The following NHP2 variants were observed in gnomAD, a reference collection of about 807,000 sequenced individuals.
The protein encoded by NHP2 is H/ACA ribonucleoprotein complex subunit 2.
A neutral mutation model predicts 16.7 loss-of-function variants in NHP2; 10 were observed. The ratio of observed to expected loss-of-function variants is 0.60; its 90% CI spans 0.37 to 1.01. The LOEUF (loss-of-function observed/expected upper bound fraction) is 1.01. Ranked by LOEUF, NHP2 falls within the 50% of genes least tolerant of loss-of-function variation. The pLI is 0.01. For missense variants in NHP2, 184 were observed against 198.3 expected (o/e 0.93, Z 0.43); for synonymous variants, 87 against 78.9 (o/e 1.10, Z -0.54).
chr5:178,149,477 T>C lies in NHP2; in HGVS notation c.*236A>G. On this transcript the variant is annotated 3_prime_UTR_variant, in exon 4 of 4. Transcript: ENST00000274606. Reference sequence around the variant, plus strand: ...GACTCACCACATTTTAGTCTTAGCATTTACTTTCCCCACCCCACATTCTTG... The same window carrying C: ...GACTCACCACATTTTAGTCTTAGCACTTACTTTCCCCACCCCACATTCTTG... The C allele has an allele frequency of 2.0e-6, 1 of 511,124 alleles. No individual in the cohort carries two copies. The highest frequency in any genetic ancestry group is 3.6e-6 in the Non-Finnish European group (1 of 278,348). 31.7% of individuals were successfully genotyped at this position (511,124 alleles called of 1,614,324 possible).
chr5:178,150,778 G>A, intron 3 of NHP2, 110 bp downstream of exon 3: 1 of 798,902 alleles, frequency 1.3e-6, no homozygotes, highest in South Asian at 1.3e-5. Flanking sequence ...AATCCATCCA[G>A]GCCTGTCTTA....
At position 178,153,671 on chromosome 5, in the gene NHP2, T is replaced by C. The variant is rs1241358779; in HGVS notation, c.147A>G (p.Lys49=). ...ASRRLTRKLY[K]CIKKAVKQKQ... ...CGTCCGCCTCACCTTTCTTGATGCA[T>C]TTGTAGAGCTTCCGCGTGAGGCGGC... is the stretch of plus-strand genomic sequence containing the variant. The change falls in exon 1 of 4, where the codon AAA becomes AAG. Residue 49 remains lysine, a synonymous_variant. Coordinates refer to ENST00000274606, the MANE Select transcript of NHP2 (RefSeq NM_017838.4). 5.0e-6 allele frequency: 8 copies of C among 1,613,804 alleles called. No individual in the cohort carries two copies. In the South Asian group the frequency reaches 6.6e-5, roughly 13 times the overall value.
chr5:178,149,684 G>A lies in NHP2; in HGVS notation c.*29C>T, dbSNP rs537891538. On this transcript the variant is annotated 3_prime_UTR_variant, in exon 4 of 4. Coordinates refer to ENST00000274606, the MANE Select transcript of NHP2 (RefSeq NM_017838.4). ...TGCTGCCAGCCCAATAGCTTCCAGCGGCAGGTGCCCAGGTGCTACCGGAGC... is the reference window on the plus strand; with the variant it reads ...TGCTGCCAGCCCAATAGCTTCCAGCAGCAGGTGCCCAGGTGCTACCGGAGC... 167 of 1,611,862 alleles carry A rather than the reference G, an allele frequency of 1.0e-4. 2 individuals are homozygous for A. The South Asian group carries it at 1.2e-3, about 12-fold the overall frequency.
At chr5:178,152,318 C>T (rs913523560) in intron 2 of NHP2, among the ~76,000 whole-genome samples, 1 of 152,126 alleles carries the variant, frequency 6.6e-6, no homozygotes, top group Non-Finnish European at 1.5e-5. Flanking sequence ...CACTTCTGCT[C>T]ACCAGACCCT....
chr5:178,150,616 C>T, intron 3 of NHP2: 1 of 615,600 alleles, frequency 1.6e-6, no homozygotes, highest in South Asian at 1.5e-5. Flanking sequence ...CTCCTGTCCT[C>T]AACTGATCCT....
At position 178,153,483 on chromosome 5, in the gene NHP2, G is replaced by A; in HGVS notation, c.230+8C>T. 1.2e-6 allele frequency: 2 copies of A among 1,613,960 alleles called. No homozygotes were observed. Among genetic ancestry groups the A allele is most frequent in the Non-Finnish European group, 1.7e-6 (2 of 1,179,850 alleles). On this transcript the variant is annotated splice_region_variant and intron_variant, in intron 2 of 3. Transcript: ENST00000274606. ...AAATGCAAAATCCAGAGGAAGGAAG[G>A]TTCTTACCCTTTTTCTCCTTTGTTG...
At chr5:178,151,649 C>T (rs1756281055) in intron 2 of NHP2, among the ~76,000 whole-genome samples, 1 of 152,194 alleles carries the variant, frequency 6.6e-6, no homozygotes, top group South Asian at 2.1e-4. Flanking sequence ...GCTGGCTCCC[C>T]TTCTGTTAAG....
intron 3 of NHP2, chr5:178,150,358 G>C (rs765643015): frequency 1.6e-5 from 4 of 257,636 alleles, no homozygotes; most frequent in Non-Finnish European, 2.3e-5. Context: ...GATACTGTAG[G>C]TACCCAAGAT....
In NHP2 at chr5:178,150,895, G is replaced by C. The variant is rs1756260238; in HGVS notation, c.329C>G (p.Ser110Cys). The C allele has an allele frequency of 6.2e-7, 1 of 1,610,428 alleles. No homozygotes were observed. The highest frequency in any genetic ancestry group is 1.3e-5 in the African/African-American group (1 of 74,854). The change falls in exon 3 of 4, where the codon TCT (serine) becomes TGT (cysteine). Residue 110 changes from serine (S) to cysteine (C), a missense_variant. Ser to Cys is a moderately radical substitution (Grantham distance 112). Transcript: ENST00000274606. ...GGGCCACGTGCTCCTTACCGTCTTA[G>C]AGGGGATATAGACATAGGGCAAATT... ...DRNLPYVYIP[S>C]KTDLGAAAGS...
chr5:178,153,540 G>C lies in NHP2; in HGVS notation c.181C>G (p.Arg61Gly). The C allele has an allele frequency of 6.2e-7, 1 of 1,614,216 alleles. No individual in the cohort carries two copies. Among genetic ancestry groups the C allele is most frequent in the Non-Finnish European group, 8.5e-7 (1 of 1,180,030 alleles). ...TTCTGAACCTCTTTCACCCCGCGCC[G>C]AATCTGCTTCTGCTTCACCGCTGCA... ...IKKAVKQKQI[R>G]RGVKEVQKFV... The change falls in exon 2 of 4, where the codon CGG (arginine) becomes GGG (glycine). Residue 61 changes from arginine to glycine, a missense_variant. Arg to Gly is a moderately radical substitution (Grantham distance 125). Transcript: ENST00000274606.
Position 178,153,615 on chromosome 5 carries a change from C to G in NHP2, c.160+43G>C, listed in dbSNP as rs1402057511. The G allele has an allele frequency of 4.3e-6, 7 of 1,613,352 alleles. No homozygotes were observed. The South Asian group carries it at 7.7e-5, about 18-fold the overall frequency. On this transcript the variant is annotated intron_variant, in intron 1 of 3. Coordinates refer to ENST00000274606, the MANE Select transcript of NHP2 (RefSeq NM_017838.4). The stretch of plus-strand genomic sequence containing the variant: ...CTCGCTCAGCCACCCGCGCACCCAT[C>G]CCACCCGCGCACCCATCCCGGCCAC...
At chr5:178,151,077 G>C (rs1180785168) in intron 2 of NHP2, 84 bp from the exon 3 acceptor site, 1 of 1,167,074 alleles carries the variant, frequency 8.6e-7, no homozygotes. Flanking sequence ...GGGTCTTAGG[G>C]ATAGAGACAA....
chr5:178,150,867 A>G (rs1431826088), intron 3 of NHP2, 21 bp downstream of exon 3: 2 of 1,502,032 alleles, frequency 1.3e-6, no homozygotes, highest in Non-Finnish European at 1.9e-6. Context: ...GAGCAAGGTC[A>G]GGGGGCCACG....
chr5:178,153,365 G>A, intron 2 of NHP2, 126 bp downstream of exon 2: 1 of 911,414 alleles, frequency 1.1e-6, no homozygotes, highest in South Asian at 1.3e-5. Context: ...GGACTTTACC[G>A]ACTGCTTGAT....
chr5:178,152,029 C>T (rs111596318), intron 2 of NHP2, among the ~76,000 whole-genome samples: 3 of 152,130 alleles, frequency 2.0e-5, no homozygotes, highest in African/African-American at 7.2e-5. Context: ...TAGAAGTCGT[C>T]AATACCTCCC....
At chr5:178,151,939 T>C (rs889018185) in intron 2 of NHP2, among the ~76,000 whole-genome samples, 2 of 152,102 alleles carry the variant, frequency 1.3e-5, no homozygotes, top group Non-Finnish European at 1.5e-5. Flanking sequence ...TTGTGATCTT[T>C]CTACACAAAT....
intron 2 of NHP2, among the ~76,000 whole-genome samples, chr5:178,151,820 A>G (rs1170408878): frequency 6.6e-6 from 1 of 151,866 alleles, no homozygotes; most frequent in Non-Finnish European, 1.5e-5. Context: ...TCTCTCTTCC[A>G]TGCTCCAAAC....
chr5:178,152,777 GA>G, intron 2 of NHP2, among the ~76,000 whole-genome samples: 1 of 152,324 alleles, frequency 6.6e-6, no homozygotes. Context: ...CACAGTGCCT[GA>G]AAAAGAGTAC....
chr5:178,150,866 CAG>C lies in NHP2; in HGVS notation c.336+20_336+21del, dbSNP rs769481025. ...CAGACACCCCAGTGCTGAGCAAGGTCAGGGGGCCACGTGCTCCTTACCGTCTT... is the reference window on the plus strand; with the variant it reads ...CAGACACCCCAGTGCTGAGCAAGGTCGGGGCCACGTGCTCCTTACCGTCTT... On this transcript the variant is annotated intron_variant, in intron 3 of 3. Transcript: ENST00000274606. 2.7e-6 allele frequency: 4 copies of C among 1,501,114 alleles called. No homozygotes were observed. Among genetic ancestry groups the C allele is most frequent in the Non-Finnish European group, 3.7e-6 (4 of 1,077,088 alleles). 93.0% of individuals were successfully genotyped at this position (1,501,114 alleles called of 1,614,324 possible).
Sources: allele counts gnomAD v4.1 joint callset (sites outside exome capture counted in the v4.1 genomes callset), GRCh38; gene constraint gnomAD v4.1.1; transcripts MANE v1.5; gene names NCBI Gene and HGNC (gene_info 2026-07-23, HGNC 2026-07-21).